The following SLC25A33 variants were observed in gnomAD, a reference collection of about 807,000 sequenced individuals.
SLC25A33 encodes the protein solute carrier family 25 member 33, also known as bone marrow stromal cell mitochondrial carrier protein.
A neutral mutation model predicts 35.5 loss-of-function variants in SLC25A33; 15 were observed. That is an observed-to-expected ratio of 0.42 (90% confidence interval 0.28 to 0.65). The LOEUF (loss-of-function observed/expected upper bound fraction) is 0.65. Among genes scored for constraint, SLC25A33 ranks in the 30% least tolerant of loss-of-function variants. The pLI is 0.20. For missense variants in SLC25A33, 257 were observed against 398.5 expected (o/e 0.64, Z 3.02); for synonymous variants, 136 against 148.7 (o/e 0.91, Z 0.62).
At chr1:9,570,078 A>G (rs1643566905) in intron 3 of SLC25A33, among the ~76,000 whole-genome samples, 180 bp from the exon 4 acceptor site, 1 of 152,216 alleles carries the variant, frequency 6.6e-6, no homozygotes, top group Non-Finnish European at 1.5e-5. Context: ...GGAGGGACAC[A>G]CAGGAGCTTC....
intron 3 of SLC25A33, among the ~76,000 whole-genome samples, chr1:9,567,817 T>G (rs1643533244): frequency 6.6e-6 from 1 of 152,232 alleles, no homozygotes; most frequent in Non-Finnish European, 1.5e-5. Flanking sequence ...TTCTGTAAAA[T>G]GACATCCTCA....
chr1:9,566,583 A>G (rs1336196080), intron 2 of SLC25A33, among the ~76,000 whole-genome samples: 2 of 152,042 alleles, frequency 1.3e-5, no homozygotes, highest in African/African-American at 4.8e-5. Context: ...GTGGTGGCTC[A>G]TGCCTGTAAT....
At chr1:9,567,819 A>C (rs189666113) in intron 3 of SLC25A33, among the ~76,000 whole-genome samples, 1 of 152,362 alleles carries the variant, frequency 6.6e-6, no homozygotes, top group East Asian at 1.9e-4. Context: ...CTGTAAAATG[A>C]CATCCTCATA....
intron 2 of SLC25A33, among the ~76,000 whole-genome samples, chr1:9,555,429 T>C (rs1192460235): frequency 2.0e-5 from 3 of 152,172 alleles, no homozygotes; most frequent in Non-Finnish European, 4.4e-5. Flanking sequence ...CATTTAGCAC[T>C]TTTAGGCACA....
intron 2 of SLC25A33, among the ~76,000 whole-genome samples, chr1:9,556,586 A>G (rs1031692140): frequency 2.0e-5 from 3 of 152,170 alleles, no homozygotes; most frequent in African/African-American, 2.4e-5. Context: ...TGTCACTCAA[A>G]AAGTTTCTGA....
In SLC25A33 at chr1:9,553,766, G is replaced by C; in HGVS notation, c.197G>C (p.Arg66Thr). The C allele has an allele frequency of 6.2e-7, 1 of 1,614,150 alleles. No homozygotes were observed. The highest frequency in any genetic ancestry group is 8.5e-7 in the Non-Finnish European group (1 of 1,180,032). Residue 66 changes from arginine to threonine, a missense_variant, in exon 2 of 7, where the codon AGA (arginine) becomes ACA (threonine). Physicochemically the swap from Arg to Thr is moderately conservative, Grantham distance 71 (BLOSUM62 -1). Transcript: ENST00000302692. ...LGTISGAGMV[R>T]PTSVTPGLFQ... ...ACCATTAGTGGAGCTGGAATGGTGA[G>C]ACCAACATCCGTGACACCTGGACTC...
chr1:9,542,297 T>C (rs1225758515), intron 1 of SLC25A33, among the ~76,000 whole-genome samples: 4 of 152,100 alleles, frequency 2.6e-5, no homozygotes, highest in Admixed American at 1.3e-4. Flanking sequence ...ACATCTGCAG[T>C]GGCCAGCACA....
intron 1 of SLC25A33, among the ~76,000 whole-genome samples, chr1:9,540,252 GTGGTGC>G (rs1318979998): frequency 1.3e-5 from 2 of 152,196 alleles, no homozygotes; most frequent in Non-Finnish European, 1.5e-5. Context: ...CAAGGCCTGG[GTGGTGC>G]TGGTGAACGG....
chr1:9,567,290 C>T lies in SLC25A33; in HGVS notation c.243C>T (p.Ile81=). The stretch of plus-strand genomic sequence containing the variant: ...GTCTTTTCTTATTATTCAGGTCGAT[C>T]TTGGAGAAAGAGGGACCAAAGTCAC... The part of the protein sequence containing the change: ...TPGLFQVLKS[I]LEKEGPKSLF... The change falls in exon 3 of 7, where the codon ATC becomes ATT. Residue 81 remains isoleucine (I), a synonymous_variant. Coordinates refer to ENST00000302692, the MANE Select transcript of SLC25A33 (RefSeq NM_032315.3). The T allele has an allele frequency of 1.9e-6, 3 of 1,613,854 alleles. No individual in the cohort carries two copies. Among genetic ancestry groups the T allele is most frequent in the Non-Finnish European group, 2.5e-6 (3 of 1,179,902 alleles).
At chr1:9,581,775 A>G (rs1339122051) in intron 6 of SLC25A33, among the ~76,000 whole-genome samples, 6 of 152,038 alleles carry the variant, frequency 3.9e-5, no homozygotes, top group Non-Finnish European at 7.4e-5. Context: ...TGTATGTGTA[A>G]GTGTCCATAG....
intron 4 of SLC25A33, among the ~76,000 whole-genome samples, chr1:9,571,988 G>T (rs1643596939): frequency 6.6e-6 from 1 of 152,166 alleles, no homozygotes; most frequent in Non-Finnish European, 1.5e-5. Context: ...CGAAAAATTT[G>T]CATCTCCTAC....
intron 1 of SLC25A33, 142 bp from the exon 2 acceptor site, chr1:9,553,483 TC>T: frequency 2.7e-6 from 2 of 754,072 alleles, no homozygotes; most frequent in Non-Finnish European, 4.3e-6. Context: ...TCCACCCACC[TC>T]AGCCTCCCAA....
At chr1:9,551,571 G>A (rs1056443611) in intron 1 of SLC25A33, among the ~76,000 whole-genome samples, 3 of 152,156 alleles carry the variant, frequency 2.0e-5, no homozygotes, top group African/African-American at 4.8e-5. Context: ...TTTCCCAGGC[G>A]GAGATGCTGG....
intron 2 of SLC25A33, among the ~76,000 whole-genome samples, chr1:9,555,169 G>C (rs1342115869): frequency 7.1e-6 from 1 of 140,488 alleles, no homozygotes; most frequent in Non-Finnish European, 1.5e-5. Context: ...CCAGGCTGGA[G>C]TGCAGTGGTG....
rs562857137 is a variant in SLC25A33, at chr1:9,545,459, G to A, written c.56+5712G>A. On this transcript the variant is annotated intron_variant, in intron 1 of 6. Coordinates refer to ENST00000302692, the MANE Select transcript of SLC25A33 (RefSeq NM_032315.3). The stretch of plus-strand genomic sequence containing the variant: ...GTCGCCCAGGCTGGAGTGCAGTGGC[G>A]AGATCTTGGCTCACTGCAACCTCCG... Among the ~76,000 whole-genome samples, 9 of 152,188 alleles carry A rather than the reference G, an allele frequency of 5.9e-5. No homozygotes were observed. The East Asian group carries it at 1.2e-3, about 20-fold the overall frequency.
rs113218549 is a variant in SLC25A33, at chr1:9,583,719, TAA to T, written c.*1231_*1232del. The T allele has an allele frequency of 5.4e-3, 777 of 143,376 alleles. 20 individuals are homozygous for T. Among genetic ancestry groups the T allele is most frequent in the Admixed American group, 0.035 (505 of 14,372 alleles). The allele number at this position is 143,376 out of a possible 1,614,324, so 8.9% of individuals were successfully genotyped here. ...TTGTTTAAATATCCTAGTTCAACATTAAAAAAAAAAAAAATTTAATCCCAGCA... is the reference window on the plus strand; with the variant it reads ...TTGTTTAAATATCCTAGTTCAACATTAAAAAAAAAAAATTTAATCCCAGCA... On this transcript the variant is annotated 3_prime_UTR_variant, in exon 7 of 7. Coordinates refer to ENST00000302692, the MANE Select transcript of SLC25A33 (RefSeq NM_032315.3).
intron 1 of SLC25A33, among the ~76,000 whole-genome samples, chr1:9,547,514 G>A (rs1324566734): frequency 6.6e-6 from 1 of 152,104 alleles, no homozygotes; most frequent in African/African-American, 2.4e-5. Context: ...TGGATGCTGG[G>A]GAGGCAACCA....
Position 9,579,967 on chromosome 1 carries a change from A to G in SLC25A33, c.496A>G (p.Lys166Glu). ...TCTTTTATGCAGAGTGAGGGGCTCTAAGCAGATGAATACACTCCAGTGTGC... is the reference window on the plus strand; with the variant it reads ...TCTTTTATGCAGAGTGAGGGGCTCTGAGCAGATGAATACACTCCAGTGTGC... The part of the protein sequence containing the change: ...MQLEQKVRGS[K>E]QMNTLQCARY... The change falls in exon 6 of 7, where the codon AAG becomes GAG. Residue 166 changes from lysine to glutamate, a missense_variant. Transcript: ENST00000302692. The G allele has an allele frequency of 6.2e-7, 1 of 1,613,474 alleles. No homozygotes were observed. The highest frequency in any genetic ancestry group is 8.5e-7 in the Non-Finnish European group (1 of 1,179,712).
rs1315286665 is a variant in SLC25A33, at chr1:9,570,358, G to C, written c.415G>C (p.Ala139Pro). 6.2e-7 allele frequency: 1 copy of C among 1,612,768 alleles called. No individual in the cohort carries two copies. Among genetic ancestry groups the C allele is most frequent in the South Asian group, 1.1e-5 (1 of 91,012 alleles). ...IVHIFSAGSAAFITNSLMNPI... is the reference protein window; with the variant it reads ...IVHIFSAGSAPFITNSLMNPI... ...GCATATTTTCTCAGCTGGCTCTGCA[G>C]GTATGTTACCCTAGTGAGTGAAGAG... Residue 139 changes from alanine (A) to proline (P), a missense_variant and splice_region_variant, in exon 4 of 7, where the codon GCT becomes CCT. Coordinates refer to ENST00000302692, the MANE Select transcript of SLC25A33 (RefSeq NM_032315.3).
Sources: allele counts gnomAD v4.1 joint callset (sites outside exome capture counted in the v4.1 genomes callset), GRCh38; gene constraint gnomAD v4.1.1; transcripts MANE v1.5; gene names NCBI Gene and HGNC (gene_info 2026-07-23, HGNC 2026-07-21).